The following PWP1 variants were observed in gnomAD, a reference collection of about 807,000 sequenced individuals.
PWP1 encodes the protein periodic tryptophan protein 1 homolog.
Under a neutral mutation model 69.9 loss-of-function variants are expected in PWP1, and 47 were observed. The ratio of observed to expected loss-of-function variants is 0.67; its 90% CI spans 0.53 to 0.86. The LOEUF is 0.86. Among genes scored for constraint, PWP1 ranks in the 40% least tolerant of loss-of-function variants. The pLI, the probability that PWP1 is intolerant of heterozygous loss-of-function variation, is 0.00. For missense variants in PWP1, 551 were observed against 608.8 expected, an observed-to-expected ratio of 0.91 and a Z score of 1.00; for synonymous variants, 222 against 208.2, an observed-to-expected ratio of 1.07 and a Z score of -0.57.
At chr12:107,702,834 T>C (rs938265703) in intron 8 of PWP1, 101 bp from the exon 9 acceptor site, 1 of 732,100 alleles carries the variant, frequency 1.4e-6, no homozygotes, top group Non-Finnish European at 2.4e-6. Context: ...TATTCCTAAG[T>C]ATTTTATTCT....
chr12:107,688,410 C>T (rs1416890911), intron 1 of PWP1, 38 bp from the exon 2 acceptor site: 1 of 1,546,234 alleles, frequency 6.5e-7, no homozygotes, highest in Non-Finnish European at 8.8e-7. Context: ...TGATGATTTC[C>T]TTACACATAT....
In PWP1 at chr12:107,696,554, A is replaced by C. The variant is rs774709044; in HGVS notation, c.583A>C (p.Asn195His). 1.2e-6 allele frequency: 2 copies of C among 1,614,142 alleles called. No homozygotes were observed. Among genetic ancestry groups the C allele is most frequent in the South Asian group, 2.2e-5 (2 of 91,084 alleles). ...SAYPLSVEWL[N>H]FDPSPDDSTG... ...ATATCCTCTGAGTGTGGAATGGCTG[A>C]ATTTTGATCCTAGCCCAGATGATTC... Residue 195 changes from asparagine (N) to histidine (H), a missense_variant, in exon 6 of 15, where the codon AAT becomes CAT. Coordinates refer to ENST00000412830, the MANE Select transcript of PWP1 (RefSeq NM_007062.3).
intron 5 of PWP1, among the ~76,000 whole-genome samples, chr12:107,695,440 A>G (rs1889564139): frequency 6.6e-6 from 1 of 152,230 alleles, no homozygotes; most frequent in African/African-American, 2.4e-5. Flanking sequence ...AGAAGCAGCA[A>G]TCTGAGGAAT....
Position 107,697,472 on chromosome 12 carries a change from T to C in PWP1, c.619T>C (p.Tyr207His). Residue 207 changes from tyrosine to histidine, a missense_variant, in exon 7 of 15, where the codon TAC becomes CAC. Physicochemically the swap from Tyr to His is moderately conservative, Grantham distance 83. Transcript: ENST00000412830. Reference protein sequence around the residue: ...DPSPDDSTGNYIAVGNMTPVI... With the variant: ...DPSPDDSTGNHIAVGNMTPVI... Reference sequence around the variant, plus strand: ...TGCATTGTTTCCTCCCATAGGAAATTACATTGCTGTAGGAAACATGACCCC... The same window carrying C: ...TGCATTGTTTCCTCCCATAGGAAATCACATTGCTGTAGGAAACATGACCCC... 1 of 1,581,184 alleles carries C rather than the reference T, an allele frequency of 6.3e-7. No individual in the cohort carries two copies. The highest frequency in any genetic ancestry group is 8.6e-7 in the Non-Finnish European group (1 of 1,168,934).
chr12:107,697,442 AT>A (rs1889611371), intron 6 of PWP1, 24 bp from the exon 7 acceptor site: 10 of 1,551,094 alleles, frequency 6.4e-6, no homozygotes, highest in Non-Finnish European at 8.7e-6. Context: ...TTGTGTAATC[AT>A]ACATGCATTG....
intron 8 of PWP1, among the ~76,000 whole-genome samples, chr12:107,701,195 C>G (rs1322122317): frequency 6.6e-6 from 1 of 151,896 alleles, no homozygotes; most frequent in Non-Finnish European, 1.5e-5. Flanking sequence ...GGCACAATCA[C>G]TGCTCACTGT....
At chr12:107,693,153 AAAT>A in intron 5 of PWP1, 57 bp downstream of exon 5, 1 of 1,547,790 alleles carries the variant, frequency 6.5e-7, no homozygotes, top group Non-Finnish European at 8.7e-7. Flanking sequence ...ATAATAAGTG[AAAT>A]AGTTACCATT....
At chr12:107,689,566 C>T (rs1162576330) in intron 3 of PWP1, among the ~76,000 whole-genome samples, 10 of 152,048 alleles carry the variant, frequency 6.6e-5, no homozygotes, top group African/African-American at 2.4e-4. Context: ...GCCAACATGG[C>T]GAAACCCTGT....
At chr12:107,698,565 T>A in intron 7 of PWP1, among the ~76,000 whole-genome samples, 1 of 152,170 alleles carries the variant, frequency 6.6e-6, no homozygotes, top group South Asian at 2.1e-4. Flanking sequence ...CCCTGTTCCT[T>A]GTAATGAAAT....
chr12:107,703,228 G>A (rs1889748563), intron 9 of PWP1, among the ~76,000 whole-genome samples, 197 bp downstream of exon 9: 1 of 152,094 alleles, frequency 6.6e-6, no homozygotes, highest in South Asian at 2.1e-4. Flanking sequence ...GAAAAAATGG[G>A]TACAGAAAGG....
rs1021530447 is a variant in PWP1, at chr12:107,696,595, A to T, written c.613+11A>T. On this transcript the variant is annotated intron_variant, in intron 6 of 14. Coordinates refer to ENST00000412830, the MANE Select transcript of PWP1 (RefSeq NM_007062.3). ...CAGATGATTCTACTGGTAATTAGAA[A>T]ACTTAAGGTTGTTCAATGATTTCCA... 6 of 1,613,420 alleles carry T rather than the reference A, an allele frequency of 3.7e-6. No homozygotes were observed. The African/African-American group carries it at 8.0e-5, about 22-fold the overall frequency.
chr12:107,701,435 G>A (rs976401746), intron 8 of PWP1, among the ~76,000 whole-genome samples: 1 of 152,094 alleles, frequency 6.6e-6, no homozygotes, highest in African/African-American at 2.4e-5. Flanking sequence ...TGCAGCACAG[G>A]TTTTTCATGT....
At chr12:107,710,662 A>C in intron 14 of PWP1, 152 bp downstream of exon 14, 1 of 1,295,364 alleles carries the variant, frequency 7.7e-7, no homozygotes, top group Non-Finnish European at 1.0e-6. Flanking sequence ...AGCTGGGATT[A>C]CAGGTGTGAG....
At position 107,697,564 on chromosome 12, in the gene PWP1, A is replaced by G; in HGVS notation, c.711A>G (p.Lys237=). 5 of 1,606,430 alleles carry G rather than the reference A, an allele frequency of 3.1e-6. No individual in the cohort carries two copies. In the South Asian group the frequency reaches 4.5e-5, roughly 14 times the overall value. Residue 237 remains lysine, a synonymous_variant, in exon 7 of 15, where the codon AAA becomes AAG. Transcript: ENST00000412830. ...SLEPVFTLGS[K]LSKKKKKKGK... is the part of the protein sequence containing the mutation. ...AGCCAGTCTTCACACTCGGAAGTAA[A>G]CTTTCAAAAAAGAAGAAAAAGAAAG...
chr12:107,706,473 C>T (rs1889826123), intron 11 of PWP1, among the ~76,000 whole-genome samples: 1 of 152,148 alleles, frequency 6.6e-6, no homozygotes, highest in Admixed American at 6.5e-5. Context: ...CTTGTCCATG[C>T]CTATGTCCTG....
At chr12:107,710,293 G>A in intron 13 of PWP1, 112 bp from the exon 14 acceptor site, 5 of 1,470,698 alleles carry the variant, frequency 3.4e-6, no homozygotes, top group Non-Finnish European at 4.5e-6. Flanking sequence ...AGAATCATAA[G>A]TTGGTTTTGA....
At chr12:107,709,922 T>C (rs755829843) in intron 13 of PWP1, among the ~76,000 whole-genome samples, 3 of 152,188 alleles carry the variant, frequency 2.0e-5, no homozygotes, top group Admixed American at 6.6e-5. Context: ...TCCCAGAACA[T>C]AAACCGTGGT....
intron 1 of PWP1, 99 bp downstream of exon 1, chr12:107,686,070 C>CT: frequency 7.7e-7 from 1 of 1,297,380 alleles, no homozygotes; most frequent in South Asian, 1.2e-5. Context: ...GGGGCGTTGG[C>CT]TGGTGCGACT....
intron 11 of PWP1, among the ~76,000 whole-genome samples, chr12:107,706,588 G>T (rs1889829149): frequency 6.6e-6 from 1 of 152,182 alleles, no homozygotes; most frequent in Admixed American, 6.5e-5. Context: ...AAGCTGTGAG[G>T]AAGGGATCCA....
Sources: gnomAD v4.1 joint callset for allele counts (sites outside exome capture counted in the v4.1 genomes callset) on GRCh38, gnomAD v4.1.1 for gene constraint, MANE v1.5 for transcripts, NCBI Gene and HGNC (gene_info 2026-07-23, HGNC 2026-07-21) for gene names.